Variants in GPCPD1 observed in about 807,000 individuals in gnomAD.
The protein encoded by GPCPD1 is glycerophosphocholine phosphodiesterase 1, also known as glycerophosphocholine phosphodiesterase GPCPD1.
Under a neutral mutation model 89.2 loss-of-function variants are expected in GPCPD1, and 29 were observed. The ratio of observed to expected loss-of-function variants is 0.33; its 90% CI spans 0.24 to 0.44. GPCPD1 has a LOEUF of 0.44. Ranked by LOEUF, GPCPD1 falls within the 20% of genes least tolerant of loss-of-function variation. GPCPD1 has a pLI of 1.00. For missense variants in GPCPD1, 594 were observed against 808.9 expected, an observed-to-expected ratio of 0.73 and a Z score of 3.22; for synonymous variants, 258 against 266.3, an observed-to-expected ratio of 0.97 and a Z score of 0.30.
At chr20:5,557,073 G>A (rs1230171807) in intron 19 of GPCPD1, among the ~76,000 whole-genome samples, 1 of 152,236 alleles carries the variant, frequency 6.6e-6, no homozygotes, top group Non-Finnish European at 1.5e-5. Context: ...CAAAGAATGG[G>A]AAACAGCAGA....
chr20:5,570,216 G>A lies in GPCPD1; in HGVS notation c.1080C>T (p.Asp360=), dbSNP rs61739696. The part of the protein sequence containing the change: ...ASHGAAFVEF[D]VHLSKDFVPV... ...GCACAAAGTCCTTTGAAAGGTGTAC[G>A]TCAAATTCTACAAAGGCTGCACCCT... is the stretch of plus-strand genomic sequence containing the variant. Residue 360 remains aspartate (D), a synonymous_variant, in exon 12 of 20, where the codon GAC becomes GAT. Coordinates refer to ENST00000379019, the MANE Select transcript of GPCPD1 (RefSeq NM_019593.5). The A allele has an allele frequency of 0.011, 17,821 of 1,583,788 alleles. 290 individuals are homozygous for A. Among genetic ancestry groups the A allele is most frequent in the Admixed American group, 0.064 (3,790 of 59,612 alleles).
chr20:5,588,134 T>C (rs1568669322), intron 4 of GPCPD1, among the ~76,000 whole-genome samples: 3 of 152,234 alleles, frequency 2.0e-5, no homozygotes, highest in African/African-American at 2.4e-5. Flanking sequence ...TAATTCTAGA[T>C]GATGTTTACT....
At chr20:5,568,325 G>GT (rs901790912) in intron 12 of GPCPD1, among the ~76,000 whole-genome samples, 3 of 148,056 alleles carry the variant, frequency 2.0e-5, no homozygotes, top group African/African-American at 7.4e-5. Context: ...CATGCATAAA[G>GT]TTTTTCTGGA....
chr20:5,598,348 T>C (rs372104059), intron 3 of GPCPD1, among the ~76,000 whole-genome samples: 25 of 152,026 alleles, frequency 1.6e-4, no homozygotes, highest in African/African-American at 6.0e-4. Context: ...CAAGGCTGCA[T>C]TGAGCTAGGA....
At chr20:5,579,250 T>C (rs985312595) in intron 7 of GPCPD1, among the ~76,000 whole-genome samples, 2 of 151,972 alleles carry the variant, frequency 1.3e-5, no homozygotes, top group African/African-American at 2.4e-5. Context: ...GTGTGGAAAA[T>C]TTTTCATTTT....
At chr20:5,549,921 G>A (rs1015474573) in intron 19 of GPCPD1, among the ~76,000 whole-genome samples, 2 of 152,040 alleles carry the variant, frequency 1.3e-5, no homozygotes, top group East Asian at 1.9e-4. Context: ...GGCCAGGCAC[G>A]GTGGCTCACA....
chr20:5,568,020 CAG>C (rs901674932), intron 12 of GPCPD1, among the ~76,000 whole-genome samples: 2 of 151,972 alleles, frequency 1.3e-5, no homozygotes, highest in African/African-American at 2.4e-5. Context: ...TTAAAAACAG[CAG>C]ACACACCAAA....
chr20:5,559,245 A>G (rs1304456858), intron 17 of GPCPD1, among the ~76,000 whole-genome samples: 1 of 152,140 alleles, frequency 6.6e-6, no homozygotes, highest in East Asian at 1.9e-4. Context: ...AAGAAAACAA[A>G]GAAACATATT....
rs564971610 is a variant in GPCPD1 at position 5,568,433 on chromosome 20, T to C, written c.1150-873A>G. 1.9e-4 allele frequency among the ~76,000 whole-genome samples: 29 copies of C among 152,146 alleles called. No homozygotes were observed. In the South Asian group the frequency reaches 6.0e-3, roughly 32 times the overall value. The stretch of plus-strand genomic sequence containing the variant: ...AATCTTCTGAAATACTTTTTTTTTT[T>C]CTAATGAAGATGAATTGTTTTTATA... On this transcript the variant is annotated intron_variant, in intron 12 of 19. Coordinates refer to ENST00000379019, the MANE Select transcript of GPCPD1 (RefSeq NM_019593.5).
chr20:5,605,749 A>G (rs1568683536), intron 1 of GPCPD1, among the ~76,000 whole-genome samples: 1 of 151,502 alleles, frequency 6.6e-6, no homozygotes, highest in Non-Finnish European at 1.5e-5. Context: ...TCCCCCTCCA[A>G]AAAAAAAGAA....
chr20:5,600,548 T>G (rs1980055044), intron 2 of GPCPD1, among the ~76,000 whole-genome samples: 1 of 151,566 alleles, frequency 6.6e-6, no homozygotes, highest in South Asian at 2.1e-4. Context: ...ATTAGCTGGG[T>G]GCAAGCCGGG....
intron 19 of GPCPD1, among the ~76,000 whole-genome samples, chr20:5,550,965 A>G (rs1200515997): frequency 1.3e-5 from 2 of 152,148 alleles, no homozygotes; most frequent in East Asian, 1.9e-4. Context: ...ACTCCGAGAG[A>G]GACACTGTCA....
intron 10 of GPCPD1, among the ~76,000 whole-genome samples, chr20:5,574,504 G>A (rs6053508): frequency 0.4 from 60,084 of 152,010 alleles, 12,101 homozygotes; most frequent in East Asian, 0.48. Context: ...GGAGGCTGAG[G>A]CAGGCAGATC....
intron 15 of GPCPD1, 85 bp downstream of exon 15, chr20:5,564,932 A>G: frequency 1.3e-6 from 1 of 749,936 alleles, no homozygotes; most frequent in East Asian, 2.4e-5. Context: ...CAGCCTTTTT[A>G]GGATCCTTTT....
intron 12 of GPCPD1, 79 bp from the exon 13 acceptor site, chr20:5,567,639 T>TGA: frequency 7.8e-7 from 1 of 1,289,662 alleles, no homozygotes. Context: ...AAATTATTAC[T>TGA]GAATGCTTAC....
chr20:5,576,056 C>A, intron 8 of GPCPD1, 78 bp from the exon 9 acceptor site: 1 of 601,350 alleles, frequency 1.7e-6, no homozygotes, highest in South Asian at 2.6e-5. Flanking sequence ...CACACACACA[C>A]ACACAGACAC....
chr20:5,571,306 C>T (rs1356876980), intron 11 of GPCPD1, among the ~76,000 whole-genome samples: 1 of 152,202 alleles, frequency 6.6e-6, no homozygotes, highest in Non-Finnish European at 1.5e-5. Context: ...CCCTACCATT[C>T]CCAAGTAGTT....
At chr20:5,605,895 T>G (rs1980549554) in intron 1 of GPCPD1, among the ~76,000 whole-genome samples, 1 of 152,246 alleles carries the variant, frequency 6.6e-6, no homozygotes, top group Admixed American at 6.5e-5. Flanking sequence ...TGATTCTATC[T>G]AATTGACCTT....
chr20:5,594,620 G>A (rs900860674), intron 3 of GPCPD1, among the ~76,000 whole-genome samples: 2 of 152,136 alleles, frequency 1.3e-5, no homozygotes, highest in African/African-American at 4.8e-5. Flanking sequence ...TAAACACTTT[G>A]AGAACCCCTG....
Sources: allele counts gnomAD v4.1 joint callset (sites outside exome capture counted in the v4.1 genomes callset), GRCh38; gene constraint gnomAD v4.1.1; transcripts MANE v1.5; gene names NCBI Gene and HGNC (gene_info 2026-07-23, HGNC 2026-07-21).